The following LMNA variants were observed in gnomAD, a reference collection of about 807,000 sequenced individuals.
LMNA encodes lamin A/C.
Under a neutral mutation model 70.4 loss-of-function variants are expected in LMNA, and 20 were observed. The observed-to-expected ratio is 0.28, with a 90% CI of 0.20 to 0.41. The LOEUF is 0.41. Ranked by LOEUF, LMNA falls within the 10% of genes least tolerant of loss-of-function variation. The pLI, the probability that LMNA is intolerant of heterozygous loss-of-function variation, is 1.00. For synonymous variants in LMNA, 339 were observed against 372.8 expected (o/e 0.91, Z 1.04); for missense variants, 652 against 917.2 (o/e 0.71, Z 3.73).
chr1:156,124,407 G>C (rs1490373382), intron 1 of LMNA, among the ~76,000 whole-genome samples: 1 of 152,102 alleles, frequency 6.6e-6, no homozygotes, highest in Non-Finnish European at 1.5e-5. Flanking sequence ...TCCTGCCTCA[G>C]CCTCCCAAGT....
Position 156,138,837 on chromosome 1 carries a change from G to C in LMNA, c.1968+80G>C, listed in dbSNP as rs149646529. 67 of 1,580,450 alleles carry C rather than the reference G, an allele frequency of 4.2e-5. No homozygotes were observed. The highest frequency in any genetic ancestry group is 1.7e-4 in the South Asian group (15 of 89,754). Reference sequence around the variant, plus strand: ...GGGGTAGGACGAGGTGGCCTTGCAGGGGGGAGAGCCTGCCTTCTCTTCCGC... The same window carrying C: ...GGGGTAGGACGAGGTGGCCTTGCAGCGGGGAGAGCCTGCCTTCTCTTCCGC... On this transcript the variant is annotated intron_variant, in intron 11 of 11. Coordinates refer to ENST00000368300, the MANE Select transcript of LMNA (RefSeq NM_170707.4). This position sits in a 1 kb window ranked among gnomAD's most constrained non-coding sequence, Gnocchi z 5.5.
chr1:156,084,403 A>G (rs1234009234), intron 2 of LMNA, among the ~76,000 whole-genome samples: 1 of 148,868 alleles, frequency 6.7e-6, no homozygotes, highest in Non-Finnish European at 1.5e-5. Context: ...GGGAAGGAGA[A>G]CCTTGACTGA....
At position 156,117,718 on chromosome 1, in the gene LMNA, G is replaced by C. The variant is rs115175591; in HGVS notation, c.356+2444G>C. ...TAATGTTTTTGTATTATTTTGTAGA[G>C]ATGGGGTTTTGCCATGTTGCCCACA... On this transcript the variant is annotated intron_variant, in intron 1 of 11. Coordinates refer to ENST00000368300, the MANE Select transcript of LMNA (RefSeq NM_170707.4). Among the ~76,000 whole-genome samples, 684 of 152,170 alleles carry C rather than the reference G, an allele frequency of 4.5e-3. 6 individuals are homozygous for C. The highest frequency in any genetic ancestry group is 0.016 in the African/African-American group (656 of 41,516).
chr1:156,101,089 G>A (rs1373059384), intron 3 of LMNA, among the ~76,000 whole-genome samples: 1 of 152,172 alleles, frequency 6.6e-6, no homozygotes, highest in Non-Finnish European at 1.5e-5. Flanking sequence ...AGGTCTCGGA[G>A]GGCATTACAA....
chr1:156,082,986 G>T (rs1220074701), exon 2 of LMNA: 1 of 152,324 alleles, frequency 6.6e-6, no homozygotes, highest in Non-Finnish European at 1.5e-5. Flanking sequence ...GAGGTTCTCG[G>T]CAGAGAAGAC....
chr1:156,098,231 C>T (rs564679379), intron 3 of LMNA, among the ~76,000 whole-genome samples: 2 of 152,250 alleles, frequency 1.3e-5, no homozygotes, highest in East Asian at 1.9e-4. Context: ...ATCTTCCAGT[C>T]TGGTTCTCTT....
rs17847248 is a variant in LMNA at position 156,115,309 on chromosome 1, G to A, written c.356+35G>A. 160 of 1,566,580 alleles carry A rather than the reference G, an allele frequency of 1.0e-4. 1 individual carries two copies. The East Asian group carries it at 3.6e-3, about 35-fold the overall frequency. On this transcript the variant is annotated intron_variant, in intron 1 of 11. Coordinates refer to ENST00000368300, the MANE Select transcript of LMNA (RefSeq NM_170707.4). The surrounding 1 kb of genome is among the most constrained non-coding windows in gnomAD (Gnocchi z 5.8). The stretch of plus-strand genomic sequence containing the variant: ...CCCAGGTGGCTGCGTGCCTGGCGGG[G>A]AGTGGAGAGGGCGGCGGGCCGGCGC...
In LMNA at chr1:156,136,326, A is replaced by C. The variant is rs1166140426; in HGVS notation, c.1270A>C (p.Thr424Pro). 1 of 1,612,312 alleles carries C rather than the reference A, an allele frequency of 6.2e-7. No homozygotes were observed. The highest frequency in any genetic ancestry group is 8.5e-7 in the Non-Finnish European group (1 of 1,180,028). The change falls in exon 7 of 12, where the codon ACT becomes CCT. Residue 424 changes from threonine (T) to proline (P), a missense_variant. Thr to Pro is a conservative substitution (Grantham distance 38). Transcript: ENST00000368300. The surrounding 1 kb of genome is among the most constrained non-coding windows in gnomAD (Gnocchi z 6.1). The part of the protein sequence containing the change: ...SVTKKRKLES[T>P]ESRSSFSQHA... ...CACCAAAAAGCGCAAACTGGAGTCCACTGAGAGCCGCAGCAGCTTCTCACA... is the reference window on the plus strand; with the variant it reads ...CACCAAAAAGCGCAAACTGGAGTCCCCTGAGAGCCGCAGCAGCTTCTCACA...
At chr1:156,095,186 C>T (rs1477747806) in intron 3 of LMNA, among the ~76,000 whole-genome samples, 1 of 152,096 alleles carries the variant, frequency 6.6e-6, no homozygotes, top group Non-Finnish European at 1.5e-5. Context: ...TCCTCAGCCT[C>T]CCAAAGTGAT....
rs1553265177 is a variant in LMNA, at chr1:156,134,499, C to G, written c.610C>G (p.Leu204Val). The G allele has an allele frequency of 3.7e-6, 6 of 1,614,164 alleles. No homozygotes were observed. Among genetic ancestry groups the G allele is most frequent in the Non-Finnish European group, 4.2e-6 (5 of 1,180,032 alleles). Residue 204 changes from leucine (L) to valine (V), a missense_variant, in exon 3 of 12, where the codon CTG becomes GTG. Physicochemically the swap from Leu to Val is conservative, Grantham distance 32. This residue lies in a region of LMNA where 254 missense variants were observed against 421.9 expected (regional missense o/e 0.60). Transcript: ENST00000368300. The surrounding 1 kb of genome is among the most constrained non-coding windows in gnomAD (Gnocchi z 5.3). Reference sequence around the variant, plus strand: ...CAGGCTGCAGACCATGAAGGAGGAACTGGACTTCCAGAAGAACATCTACAG... The same window carrying G: ...CAGGCTGCAGACCATGAAGGAGGAAGTGGACTTCCAGAAGAACATCTACAG... ...ENRLQTMKEELDFQKNIYSEE... is the reference protein window; with the variant it reads ...ENRLQTMKEEVDFQKNIYSEE...
chr1:156,101,663 G>A (rs189381166), intron 3 of LMNA, among the ~76,000 whole-genome samples: 2 of 145,614 alleles, frequency 1.4e-5, no homozygotes, highest in Non-Finnish European at 3.0e-5. Context: ...AGGGAGGGAG[G>A]GAGGGAGCGA....
chr1:156,117,969 ATTTTTTTTTT>A (rs1186679791), intron 1 of LMNA, among the ~76,000 whole-genome samples: 3 of 91,908 alleles, frequency 3.3e-5, no homozygotes, highest in African/African-American at 8.8e-5. Context: ...CGCTTGGCTA[ATTTTTTTTTT>A]TTTTTTTTTT....
chr1:156,126,196 G>C (rs1212414408), intron 1 of LMNA: 1 of 1,527,304 alleles, frequency 6.5e-7, no homozygotes, highest in South Asian at 1.2e-5. Context: ...CCTGTGTGCT[G>C]CCTGGCAATG....
At chr1:156,128,262 C>T (rs1448781108) in intron 1 of LMNA, among the ~76,000 whole-genome samples, 1 of 152,120 alleles carries the variant, frequency 6.6e-6, no homozygotes, top group Admixed American at 6.5e-5. Context: ...CTTTTGCAAG[C>T]AGCAGAAGGT....
chr1:156,129,206 C>T (rs1650834687), intron 1 of LMNA, among the ~76,000 whole-genome samples: 1 of 152,222 alleles, frequency 6.6e-6, no homozygotes, highest in Non-Finnish European at 1.5e-5. Context: ...CTGGACTGAG[C>T]AAGTGTGCAG....
At chr1:156,101,842 C>G (rs1442316306) in intron 3 of LMNA, among the ~76,000 whole-genome samples, 2 of 152,014 alleles carry the variant, frequency 1.3e-5, no homozygotes, top group Admixed American at 6.6e-5. Context: ...AGGTAGGAAC[C>G]ACAAGGACTT....
chr1:156,135,037 GCTGGGCTA>G lies in LMNA; in HGVS notation c.810+63_810+70del. The G allele has an allele frequency of 4.3e-6, 7 of 1,611,546 alleles. No individual in the cohort carries two copies. Among genetic ancestry groups the G allele is most frequent in the Non-Finnish European group, 5.9e-6 (7 of 1,178,158 alleles). ...CCTTGGCAGCCCTACCCTTACCCAC[GCTGGGCTA>G]TGCCTTCTGGGGATCAGGCAGATGG... On this transcript the variant is annotated intron_variant, in intron 4 of 11. Transcript: ENST00000368300. The surrounding 1 kb of genome is among the most constrained non-coding windows in gnomAD (Gnocchi z 4.8).
chr1:156,119,926 G>C (rs755645034), intron 1 of LMNA, among the ~76,000 whole-genome samples: 1 of 152,218 alleles, frequency 6.6e-6, no homozygotes, highest in Non-Finnish European at 1.5e-5. Flanking sequence ...TCTCTGGACA[G>C]GTAACATGCA....
chr1:156,095,873 G>A (rs528044394), intron 3 of LMNA, among the ~76,000 whole-genome samples: 3 of 152,284 alleles, frequency 2.0e-5, no homozygotes, highest in Non-Finnish European at 2.9e-5. Context: ...CCTTCCAGGC[G>A]GGTAACTGTA....
Sources: gnomAD v4.1 joint callset for allele counts (sites outside exome capture counted in the v4.1 genomes callset) on GRCh38, gnomAD v4.1.1 for gene constraint, gnomAD v4.1.1 regional missense constraint, Gnocchi (gnomAD v3.1) non-coding constraint, MANE v1.5 for transcripts, NCBI Gene and HGNC (gene_info 2026-07-23, HGNC 2026-07-21) for gene names.